Variants in CELF4 observed in about 807,000 individuals in gnomAD.
CELF4 encodes CUG-BP- and ETR-3-like factor 4.
Under a neutral mutation model 59.9 loss-of-function variants are expected in CELF4, and 18 were observed. That is an observed-to-expected ratio of 0.30 (90% confidence interval 0.21 to 0.45). The LOEUF (loss-of-function observed/expected upper bound fraction) is 0.45. Among genes scored for constraint, CELF4 ranks in the 20% least tolerant of loss-of-function variants. CELF4 has a pLI of 1.00. For synonymous variants in CELF4, 261 were observed against 267.1 expected (o/e 0.98, Z 0.22); for missense variants, 456 against 689.0 (o/e 0.66, Z 3.79).
rs1471282637 is a variant in CELF4, at chr18:37,253,869, C to T, written c.1403G>A (p.Gly468Asp). 1.9e-6 allele frequency: 3 copies of T among 1,608,910 alleles called. No homozygotes were observed. Among genetic ancestry groups the T allele is most frequent in the Non-Finnish European group, 2.5e-6 (3 of 1,177,918 alleles). Residue 468 changes from glycine to aspartate, a missense_variant, in exon 12 of 13, where the codon GGC becomes GAC. By Grantham distance (94) the Gly-to-Asp change is moderately conservative (BLOSUM62 -1). This residue lies in a region of CELF4 where 256 missense variants were observed against 340.8 expected (regional missense o/e 0.75). Transcript: ENST00000420428. This position sits in a 1 kb window ranked among gnomAD's most constrained non-coding sequence, Gnocchi z 4.5. Reference sequence around the variant, plus strand: ...CAGCTGCACCTTGAGCCTCTTCATGCCGATCTGGAAGCCGTTCATGGCCTG... The same window carrying T: ...CAGCTGCACCTTGAGCCTCTTCATGTCGATCTGGAAGCCGTTCATGGCCTG... ...AIQAMNGFQI[G>D]MKRLKVQLKR...
At chr18:37,294,672 C>T (rs896732881) in intron 3 of CELF4, among the ~76,000 whole-genome samples, 2 of 152,216 alleles carry the variant, frequency 1.3e-5, no homozygotes, top group African/African-American at 4.8e-5. Context: ...CTTTTAAAAA[C>T]TTGGACCTTT....
chr18:37,258,793 G>C (rs1001528883), intron 11 of CELF4, among the ~76,000 whole-genome samples: 1 of 152,202 alleles, frequency 6.6e-6, no homozygotes, highest in Non-Finnish European at 1.5e-5. Flanking sequence ...TGGGGGAATG[G>C]GTGTGGCTGG....
intron 2 of CELF4, among the ~76,000 whole-genome samples, chr18:37,372,184 A>G (rs1393339462): frequency 6.6e-6 from 1 of 152,236 alleles, no homozygotes; most frequent in Admixed American, 6.5e-5. Flanking sequence ...GTGCACACGT[A>G]TGTTTATTGC....
At chr18:37,406,173 A>C (rs1178211396) in intron 2 of CELF4, among the ~76,000 whole-genome samples, 1 of 151,888 alleles carries the variant, frequency 6.6e-6, no homozygotes, top group Non-Finnish European at 1.5e-5. Flanking sequence ...GCCCAAACTG[A>C]ATTTCAAAAA....
At position 37,565,501 on chromosome 18, in the gene CELF4, G is replaced by A; in HGVS notation, c.141C>T (p.Pro47=). The change falls in exon 1 of 13, where the codon CCC becomes CCT. Residue 47 remains proline (P), a synonymous_variant. Coordinates refer to ENST00000420428, the MANE Select transcript of CELF4 (RefSeq NM_020180.4). ...SHSPGNPSTI[P]MKDHDAIKLF... ...GCTTGATGGCATCGTGGTCCTTCAT[G>A]GGAATGGTCGACGGGTTCCCCGGGC... The A allele has an allele frequency of 6.2e-7, 1 of 1,614,174 alleles. No individual in the cohort carries two copies. The highest frequency in any genetic ancestry group is 1.7e-5 in the Admixed American group (1 of 60,030).
chr18:37,375,346 G>A (rs547952567), intron 2 of CELF4, among the ~76,000 whole-genome samples: 1 of 152,302 alleles, frequency 6.6e-6, no homozygotes, highest in African/African-American at 2.4e-5. Flanking sequence ...GACGCCGGCT[G>A]GACGGCTCTC....
At chr18:37,309,232 C>T (rs1039452599) in intron 3 of CELF4, among the ~76,000 whole-genome samples, 3 of 152,204 alleles carry the variant, frequency 2.0e-5, no homozygotes, top group Non-Finnish European at 2.9e-5. Context: ...GGGAGGACAG[C>T]AAGGCTTGGA....
At position 37,264,686 on chromosome 18, in the gene CELF4, G is replaced by A; in HGVS notation, c.1237C>T (p.Gln413Ter). The change falls in exon 10 of 13, where the codon CAG becomes TAG. Residue 413 changes from glutamine (Q) to a stop codon, truncating the protein, a stop_gained. Transcript: ENST00000420428. LOFTEE classifies it high-confidence loss of function. Reference sequence around the variant, plus strand: ...CCTGCAGACTCACCTTCTCTCTGCTGCTGGGGGATCATTGGAGGCGGCTGA... The same window carrying A: ...CCTGCAGACTCACCTTCTCTCTGCTACTGGGGGATCATTGGAGGCGGCTGA... The part of the protein sequence containing the change: ...FPQPPPMIPQ[Q>*]QREGPEGCNL... 1 of 1,576,514 alleles carries A rather than the reference G, an allele frequency of 6.3e-7. No individual in the cohort carries two copies.
chr18:37,271,254 C>CTTTTTTTTTTTTTT lies in CELF4; in HGVS notation c.950-351_950-338dup, dbSNP rs34833771. 8.3e-4 allele frequency among the ~76,000 whole-genome samples: 88 copies of CTTTTTTTTTTTTTT among 105,556 alleles called. 1 individual carries two copies. Among genetic ancestry groups the CTTTTTTTTTTTTTT allele is most frequent in the Non-Finnish European group, 9.9e-4 (54 of 54,574 alleles). The allele number at this position is 105,556 out of a possible 152,430, so 69.2% of individuals were successfully genotyped here. A position where few individuals can be genotyped will look rare whatever the true frequency, so the allele number is the denominator to read the frequency against. On this transcript the variant is annotated intron_variant, in intron 7 of 12. Transcript: ENST00000420428. ...AACCACACTTGGTCTTCCTTCAGTC[C>CTTTTTTTTTTTTTT]TTTTTTTTTTTTTTTTTTTTTTTGT...
At chr18:37,416,640 C>G (rs2099531023) in intron 2 of CELF4, among the ~76,000 whole-genome samples, 1 of 152,210 alleles carries the variant, frequency 6.6e-6, no homozygotes, top group African/African-American at 2.4e-5. Flanking sequence ...CTTGGGCACA[C>G]TGCTCAGCCA....
intron 11 of CELF4, 131 bp downstream of exon 11, chr18:37,259,050 G>A (rs536760391): frequency 7.6e-6 from 11 of 1,444,560 alleles, no homozygotes; most frequent in African/African-American, 5.6e-5. Flanking sequence ...AAAAGCAGTC[G>A]GACACCGGTA....
rs147752263 is a variant in CELF4 at position 37,555,131 on chromosome 18, C to T, written c.286+10225G>A. On this transcript the variant is annotated intron_variant, in intron 1 of 12. Coordinates refer to ENST00000420428, the MANE Select transcript of CELF4 (RefSeq NM_020180.4). ...CATCTCCTGGAGCCAGTATATCCCA[C>T]CCCAGGAATGGGATGTGGCTTCAGG... Among the ~76,000 whole-genome samples the T allele has an allele frequency of 4.6e-5, 7 of 152,298 alleles. No homozygotes were observed. The East Asian group carries it at 1.4e-3, about 30-fold the overall frequency.
rs1468883097 is a variant in CELF4, at chr18:37,254,172, G to T, written c.1334-234C>A. Among the ~76,000 whole-genome samples, 39 of 151,028 alleles carry T rather than the reference G, an allele frequency of 2.6e-4. No individual in the cohort carries two copies. The highest frequency in any genetic ancestry group is 5.9e-4 in the Admixed American group (9 of 15,174). ...CTCGCTGACCTGCGCCTAGTCTCTG[G>T]CCGCGTCACTCGCCCGGCGCCCGCT... On this transcript the variant is annotated intron_variant, in intron 11 of 12. Coordinates refer to ENST00000420428, the MANE Select transcript of CELF4 (RefSeq NM_020180.4). This position sits in a 1 kb window ranked among gnomAD's most constrained non-coding sequence, Gnocchi z 5.1.
At chr18:37,564,191 T>C (rs981636868) in intron 1 of CELF4, among the ~76,000 whole-genome samples, 1 of 152,200 alleles carries the variant, frequency 6.6e-6, no homozygotes, top group South Asian at 2.1e-4. Context: ...CCCGTGCTCC[T>C]TCCCTGCCTG....
intron 2 of CELF4, among the ~76,000 whole-genome samples, chr18:37,423,449 G>A (rs190892224): frequency 1.3e-5 from 2 of 152,212 alleles, no homozygotes; most frequent in East Asian, 1.9e-4. Flanking sequence ...GGTGGGCTTA[G>A]GAGGAGCTCA....
intron 2 of CELF4, among the ~76,000 whole-genome samples, chr18:37,425,441 T>C (rs1380786824): frequency 6.6e-6 from 1 of 152,252 alleles, no homozygotes; most frequent in Non-Finnish European, 1.5e-5. Flanking sequence ...AGGCAGCTGC[T>C]GCAGGAAGCC....
chr18:37,314,184 C>T (rs922334503), intron 3 of CELF4, among the ~76,000 whole-genome samples: 9 of 152,332 alleles, frequency 5.9e-5, no homozygotes, highest in African/African-American at 1.7e-4. Context: ...CGGTGGCTCA[C>T]GCCTATAATC....
intron 10 of CELF4, among the ~76,000 whole-genome samples, chr18:37,263,827 C>G (rs2076108885): frequency 6.6e-6 from 1 of 152,124 alleles, no homozygotes; most frequent in Admixed American, 6.5e-5. Flanking sequence ...CAGTCCTGCC[C>G]TGGGAGCTCC....
intron 8 of CELF4, among the ~76,000 whole-genome samples, chr18:37,269,208 T>A (rs2089924196): frequency 6.6e-6 from 1 of 151,930 alleles, no homozygotes; most frequent in Non-Finnish European, 1.5e-5. Flanking sequence ...TCATCATCCT[T>A]AAACAACACT....
Sources: allele counts gnomAD v4.1 joint callset (sites outside exome capture counted in the v4.1 genomes callset), GRCh38; gene constraint gnomAD v4.1.1; regional missense constraint gnomAD v4.1.1; non-coding constraint Gnocchi (gnomAD v3.1); transcripts MANE v1.5; gene names NCBI Gene and HGNC (gene_info 2026-07-23, HGNC 2026-07-21).